The following NKIRAS1 variants were observed in gnomAD, a reference collection of about 807,000 sequenced individuals.
NKIRAS1 encodes NF-kappa-B inhibitor-interacting Ras-like protein 1.
A neutral mutation model predicts 19.8 loss-of-function variants in NKIRAS1; 16 were observed. The ratio of observed to expected loss-of-function variants is 0.81; its 90% CI spans 0.55 to 1.23. NKIRAS1 has a LOEUF of 1.23. NKIRAS1 is among the 50% of genes most tolerant of loss of function. The pLI is 0.00. For missense variants in NKIRAS1, 184 were observed against 220.0 expected, an observed-to-expected ratio of 0.84 and a Z score of 1.04; for synonymous variants, 88 against 79.0, an observed-to-expected ratio of 1.11 and a Z score of -0.61.
At chr3:23,907,375 TC>T (rs1703175802) in intron 3 of NKIRAS1, among the ~76,000 whole-genome samples, 1 of 152,002 alleles carries the variant, frequency 6.6e-6, no homozygotes, top group Admixed American at 6.6e-5. Context: ...AATTTGGTTG[TC>T]AACTGATGGG....
At chr3:23,907,390 GC>G (rs1176225790) in intron 3 of NKIRAS1, among the ~76,000 whole-genome samples, 1 of 151,998 alleles carries the variant, frequency 6.6e-6, no homozygotes, top group African/African-American at 2.4e-5. Flanking sequence ...TGATGGGGGG[GC>G]GGTGTTGGCA....
intron 3 of NKIRAS1, among the ~76,000 whole-genome samples, chr3:23,910,155 CCT>C (rs1491232042): frequency 2.7e-5 from 3 of 113,200 alleles, no homozygotes; most frequent in African/African-American, 7.8e-5. Context: ...CTGCGCTCGG[CCT>C]TTTTTTTTTT....
chr3:23,893,707 G>C (rs969759753), intron 4 of NKIRAS1, among the ~76,000 whole-genome samples: 1 of 149,266 alleles, frequency 6.7e-6, no homozygotes, highest in African/African-American at 2.5e-5. Flanking sequence ...TGCGGCAGGA[G>C]AATCGCTGGA....
intron 3 of NKIRAS1, among the ~76,000 whole-genome samples, chr3:23,910,144 A>C (rs1023957078): frequency 7.1e-6 from 1 of 140,980 alleles, no homozygotes; most frequent in African/African-American, 2.7e-5. Context: ...GGTGTGAGCC[A>C]CTGCGCTCGG....
chr3:23,893,377 G>A (rs774615298), intron 4 of NKIRAS1, 40 bp from the exon 5 acceptor site: 205 of 1,559,578 alleles, frequency 1.3e-4, no homozygotes, highest in East Asian at 2.8e-4. Flanking sequence ...CTAGTACTTT[G>A]CCAACATCAG....
chr3:23,909,198 A>G (rs538970696), intron 3 of NKIRAS1, among the ~76,000 whole-genome samples: 127 of 152,308 alleles, frequency 8.3e-4, no homozygotes, highest in African/African-American at 2.9e-3. Context: ...GCTAGAAGAG[A>G]AGCAGAGCAC....
intron 1 of NKIRAS1, among the ~76,000 whole-genome samples, chr3:23,942,984 G>A (rs985458148): frequency 2.0e-5 from 3 of 152,094 alleles, no homozygotes; most frequent in Non-Finnish European, 2.9e-5. Context: ...TCCAATACCT[G>A]GGCTCATTGA....
intron 4 of NKIRAS1, among the ~76,000 whole-genome samples, 192 bp from the exon 5 acceptor site, chr3:23,893,529 G>A (rs755045899): frequency 7.9e-5 from 12 of 152,118 alleles, no homozygotes; most frequent in Non-Finnish European, 1.5e-4. Flanking sequence ...ATGCTCGGCC[G>A]GGCGTGCTGG....
At chr3:23,909,230 CAG>C (rs942443270) in intron 3 of NKIRAS1, among the ~76,000 whole-genome samples, 4 of 152,082 alleles carry the variant, frequency 2.6e-5, no homozygotes, top group African/African-American at 9.7e-5. Flanking sequence ...TAATGAAAAA[CAG>C]AAATGTGGGC....
upstream of NKIRAS1, chr3:23,917,789 G>C: frequency 6.7e-7 from 1 of 1,484,552 alleles, no homozygotes; most frequent in Non-Finnish European, 9.1e-7. Context: ...AAGATGGACG[G>C]ATACAGTCGT....
intron 1 of NKIRAS1, among the ~76,000 whole-genome samples, chr3:23,937,104 G>A (rs1415878707): frequency 6.6e-6 from 1 of 152,198 alleles, no homozygotes; most frequent in Non-Finnish European, 1.5e-5. Context: ...AGAAAATTTA[G>A]GAGAGGCCTG....
rs1459164280 is a variant in NKIRAS1 at position 23,922,674 on chromosome 3, C to T, written c.-139-11224G>A. 2 of 152,266 alleles carry T rather than the reference C, an allele frequency of 1.3e-5. No individual in the cohort carries two copies. Among genetic ancestry groups the T allele is most frequent in the Non-Finnish European group, 2.9e-5 (2 of 68,082 alleles). 9.4% of individuals were successfully genotyped at this position (152,266 alleles called of 1,614,324 possible). On this transcript the variant is annotated intron_variant, in intron 1 of 4. Coordinates refer to the NKIRAS1 transcript ENST00000421515. This position sits in a 1 kb window ranked among gnomAD's most constrained non-coding sequence, Gnocchi z 4.2. ...GTGCCGGGATTACAGGTGTCAGCCA[C>T]TGCACGTGGCCAACTTAAAGTTTTT...
intron 1 of NKIRAS1, among the ~76,000 whole-genome samples, chr3:23,943,745 G>A (rs770471418): frequency 3.9e-5 from 6 of 152,220 alleles, no homozygotes; most frequent in Non-Finnish European, 8.8e-5. Context: ...ATCACATGAG[G>A]GTGATAAATT....
intron 4 of NKIRAS1, among the ~76,000 whole-genome samples, chr3:23,894,942 C>T (rs920337122): frequency 2.0e-5 from 3 of 152,234 alleles, no homozygotes; most frequent in African/African-American, 7.2e-5. Context: ...CACGTAGATG[C>T]TGCTTCCAGT....
chr3:23,890,806 A>G lies in NKIRAS1; in HGVS notation c.*2289T>C. On this transcript the variant is annotated 3_prime_UTR_variant, in exon 5 of 5. Coordinates refer to ENST00000425478, the MANE Select transcript of NKIRAS1 (RefSeq NM_020345.4). ...ACAGAATTGGTAATAGCAACTTTTA[A>G]AATTGTCATTAGTTCTGCAATATTA... 4.5e-6 allele frequency: 2 copies of G among 443,918 alleles called. No individual in the cohort carries two copies. Among genetic ancestry groups the G allele is most frequent in the Non-Finnish European group, 7.9e-6 (2 of 254,690 alleles). The allele number at this position is 443,918 out of a possible 1,614,324, so 27.5% of individuals were successfully genotyped here. A position where few individuals can be genotyped will look rare whatever the true frequency, so the allele number is the denominator to read the frequency against.
intron 3 of NKIRAS1, among the ~76,000 whole-genome samples, chr3:23,906,866 T>A (rs1034313429): frequency 3.3e-5 from 5 of 152,178 alleles, no homozygotes; most frequent in African/African-American, 1.2e-4. Flanking sequence ...CATTTTAAAA[T>A]AACCTTTATT....
chr3:23,900,711 A>G lies in NKIRAS1; in HGVS notation c.336+97T>C, dbSNP rs1702446013. 4 of 879,616 alleles carry G rather than the reference A, an allele frequency of 4.5e-6. No individual in the cohort carries two copies. In the East Asian group the frequency reaches 7.3e-5, roughly 16 times the overall value. 54.5% of individuals were successfully genotyped at this position (879,616 alleles called of 1,614,324 possible). The stretch of plus-strand genomic sequence containing the variant: ...TAAAGGTTTTACAGATACTAAGAAT[A>G]TACTGTAATGATCTGAAAATAAACT... On this transcript the variant is annotated intron_variant, in intron 4 of 4. Transcript: ENST00000425478.
intron 1 of NKIRAS1, among the ~76,000 whole-genome samples, chr3:23,931,084 C>T (rs1156413449): frequency 6.6e-6 from 1 of 152,122 alleles, no homozygotes; most frequent in East Asian, 1.9e-4. Flanking sequence ...GGTGTTTATA[C>T]CTGTATTCAG....
chr3:23,923,631 A>G (rs950314839), intron 1 of NKIRAS1: 7 of 152,360 alleles, frequency 4.6e-5, no homozygotes, highest in African/African-American at 1.7e-4. Context: ...ATCTGTTGCT[A>G]TTACAAAAAG....
Sources: allele counts gnomAD v4.1 joint callset (sites outside exome capture counted in the v4.1 genomes callset), GRCh38; gene constraint gnomAD v4.1.1; non-coding constraint Gnocchi (gnomAD v3.1); transcripts MANE v1.5; gene names NCBI Gene and HGNC (gene_info 2026-07-23, HGNC 2026-07-21).